Variants in INTS8 observed in about 807,000 individuals in gnomAD.
INTS8 encodes the protein integrator complex subunit 8.
INTS8 carries 47 observed loss-of-function variants against 138.9 expected under a neutral mutation model. The ratio of observed to expected loss-of-function variants is 0.34; its 90% CI spans 0.27 to 0.43. The LOEUF (loss-of-function observed/expected upper bound fraction) is 0.43. Ranked by LOEUF, INTS8 falls within the 20% of genes least tolerant of loss-of-function variation. INTS8 has a pLI of 1.00. For synonymous variants in INTS8, 392 were observed against 400.9 expected (o/e 0.98, Z 0.27); for missense variants, 996 against 1,173.0 (o/e 0.85, Z 2.20).
intron 18 of INTS8, chr8:94,866,817 G>A (rs114943059): frequency 0.035 from 8,762 of 247,902 alleles, 178 homozygotes; most frequent in African/African-American, 0.045. Context: ...CTTATTGGAC[G>A]TAACCTAGGT....
intron 2 of INTS8, 150 bp from the exon 3 acceptor site, chr8:94,827,113 G>GA (rs779624019): frequency 2.0e-3 from 1,321 of 653,502 alleles, no homozygotes; most frequent in Middle Eastern, 4.5e-3. Context: ...TCAAAAAAAA[G>GA]AAAAAAAAAC....
At chr8:94,860,596 A>C (rs1404819870) in intron 16 of INTS8, among the ~76,000 whole-genome samples, 4 of 150,766 alleles carry the variant, frequency 2.7e-5, no homozygotes, top group Non-Finnish European at 4.4e-5. Context: ...AAAAAAAAAA[A>C]AAAAAAAACC....
At chr8:94,867,077 C>T (rs1383848756) in intron 18 of INTS8, 63 bp from the exon 19 acceptor site, 5 of 1,226,740 alleles carry the variant, frequency 4.1e-6, no homozygotes, top group African/African-American at 1.5e-5. Context: ...GTGAGGTTGA[C>T]AGGAGCAATA....
In INTS8 at chr8:94,844,778, G is replaced by A. The variant is rs138443404; in HGVS notation, c.1260+2290G>A. Among the ~76,000 whole-genome samples the A allele has an allele frequency of 5.4e-3, 775 of 144,188 alleles. 9 individuals are homozygous for A. Among genetic ancestry groups the A allele is most frequent in the African/African-American group, 0.019 (720 of 38,734 alleles). The allele number at this position is 144,188 out of a possible 152,430, so 94.6% of individuals were successfully genotyped here. On this transcript the variant is annotated intron_variant, in intron 10 of 26. Coordinates refer to ENST00000523731, the MANE Select transcript of INTS8 (RefSeq NM_017864.4). ...TTTTTTTTTTTTTTTTGTTTGAGAC[G>A]GGTCTCACTCTATCACCCAGTTGGA...
In INTS8 at chr8:94,876,099, G is replaced by A. The variant is rs2131078802; in HGVS notation, c.2714G>A (p.Arg905Lys). The change falls in exon 24 of 27, where the codon AGA becomes AAA. Residue 905 changes from arginine to lysine, a missense_variant. Coordinates refer to ENST00000523731, the MANE Select transcript of INTS8 (RefSeq NM_017864.4). ...TQVAILCQFL[R>K]EIDYKTAFKS... Reference sequence around the variant, plus strand: ...GTGGCCATTTTATGTCAGTTCCTCAGAGAAATTGACTACAAAACAGCGTTT... The same window carrying A: ...GTGGCCATTTTATGTCAGTTCCTCAAAGAAATTGACTACAAAACAGCGTTT... 2 of 1,610,410 alleles carry A rather than the reference G, an allele frequency of 1.2e-6. No individual in the cohort carries two copies. Among genetic ancestry groups the A allele is most frequent in the Non-Finnish European group, 8.5e-7 (1 of 1,177,068 alleles).
chr8:94,828,587 G>A (rs1199162510), intron 4 of INTS8, among the ~76,000 whole-genome samples: 1 of 152,106 alleles, frequency 6.6e-6, no homozygotes, highest in East Asian at 1.9e-4. Flanking sequence ...TTTCTAACTT[G>A]ATACAAATGA....
chr8:94,838,965 TGTG>T (rs2131010828), intron 8 of INTS8, among the ~76,000 whole-genome samples: 1 of 152,294 alleles, frequency 6.6e-6, no homozygotes, highest in African/African-American at 2.4e-5. Context: ...AGCTTTTAGT[TGTG>T]TGTGTGTGCA....
At chr8:94,824,787 C>CA in intron 1 of INTS8, 106 bp from the exon 2 acceptor site, 1 of 80,998 alleles carries the variant, frequency 1.2e-5, no homozygotes, top group Non-Finnish European at 2.5e-5. Context: ...CCCAAACTCC[C>CA]CCCCCCCCCA....
At chr8:94,870,464 T>C (rs1221136483) in intron 20 of INTS8, among the ~76,000 whole-genome samples, 1 of 152,224 alleles carries the variant, frequency 6.6e-6, no homozygotes, top group Non-Finnish European at 1.5e-5. Flanking sequence ...AAACAAAATA[T>C]GACTAAATGT....
At chr8:94,823,669 G>T (rs1814366714) in intron 1 of INTS8, 108 bp downstream of exon 1, 1 of 885,276 alleles carries the variant, frequency 1.1e-6, no homozygotes, top group South Asian at 1.8e-5. Flanking sequence ...GGCCTGGGAG[G>T]CGCGCACAGG....
At position 94,859,597 on chromosome 8, in the gene INTS8, C is replaced by T; in HGVS notation, c.2041C>T (p.Pro681Ser). The T allele has an allele frequency of 1.9e-6, 3 of 1,611,996 alleles. No homozygotes were observed. The highest frequency in any genetic ancestry group is 2.5e-6 in the Non-Finnish European group (3 of 1,178,302). The change falls in exon 16 of 27, where the codon CCT becomes TCT. Residue 681 changes from proline to serine, a missense_variant. Physicochemically the swap from Pro to Ser is moderately conservative, Grantham distance 74. Transcript: ENST00000523731. ...AAATGAATACCTTACACTCCAAGTTCCTGCATTTTTGCTTCAGAGTAATCC... is the reference window on the plus strand; with the variant it reads ...AAATGAATACCTTACACTCCAAGTTTCTGCATTTTTGCTTCAGAGTAATCC... ...RENEYLTLQV[P>S]AFLLQSNPYV...
At chr8:94,846,257 A>G (rs1040228813) in intron 10 of INTS8, among the ~76,000 whole-genome samples, 1 of 151,756 alleles carries the variant, frequency 6.6e-6, no homozygotes, top group Admixed American at 6.6e-5. Context: ...TCCTTTTCTA[A>G]CCTTTTATTT....
Position 94,867,317 on chromosome 8 carries a change from T to C in INTS8, c.2394T>C (p.Ile798=), listed in dbSNP as rs759429559. The change falls in exon 20 of 27, where the codon ATT becomes ATC. Residue 798 remains isoleucine, a synonymous_variant. Coordinates refer to ENST00000523731, the MANE Select transcript of INTS8 (RefSeq NM_017864.4). The part of the protein sequence containing the change: ...VNDITAEHIS[I]WPSSIPNLQS... ...ATATTACAGCTGAACACATTTCTAT[T>C]TGGCCATCTTCCATTCCCAAGTAAG... 19 of 1,612,054 alleles carry C rather than the reference T, an allele frequency of 1.2e-5. No homozygotes were observed. Among genetic ancestry groups the C allele is most frequent in the East Asian group, 4.5e-5 (2 of 44,806 alleles).
At chr8:94,854,310 CA>C (rs1815666231) in intron 14 of INTS8, among the ~76,000 whole-genome samples, 1 of 151,770 alleles carries the variant, frequency 6.6e-6, no homozygotes, top group Admixed American at 6.6e-5. Context: ...TTTAAAGTCA[CA>C]GTCATAGGCC....
chr8:94,878,890 C>A (rs1223947013), intron 26 of INTS8, among the ~76,000 whole-genome samples: 1 of 152,146 alleles, frequency 6.6e-6, no homozygotes, highest in African/African-American at 2.4e-5. Context: ...ATTACTTTCT[C>A]TATTTCTTCC....
At position 94,881,133 on chromosome 8, in the gene INTS8, T is replaced by A; in HGVS notation, c.*899T>A. 2.5e-6 allele frequency: 1 copy of A among 395,854 alleles called. No homozygotes were observed. The highest frequency in any genetic ancestry group is 4.5e-6 in the Non-Finnish European group (1 of 224,582). The allele number at this position is 395,854 out of a possible 1,614,324, so 24.5% of individuals were successfully genotyped here. A position where few individuals can be genotyped will look rare whatever the true frequency, so the allele number is the denominator to read the frequency against. ...GCTATAGATAAATTAGTCACCTTAT[T>A]ACAAAACTAAACCTTTGTAAACAAG... On this transcript the variant is annotated 3_prime_UTR_variant, in exon 27 of 27. Transcript: ENST00000523731.
intron 23 of INTS8, among the ~76,000 whole-genome samples, chr8:94,874,946 C>T (rs1816520486): frequency 6.6e-6 from 1 of 152,124 alleles, no homozygotes; most frequent in South Asian, 2.1e-4. Context: ...AATCTAAACA[C>T]ATTTAAAAAC....
At chr8:94,839,605 GGAAA>G (rs1282254613) in intron 8 of INTS8, among the ~76,000 whole-genome samples, 2 of 152,054 alleles carry the variant, frequency 1.3e-5, no homozygotes, top group Admixed American at 1.3e-4. Flanking sequence ...CTTTGTCCTA[GGAAA>G]GAAAATTAAA....
intron 14 of INTS8, among the ~76,000 whole-genome samples, chr8:94,855,554 AT>A (rs1322485425): frequency 3.9e-5 from 6 of 152,152 alleles, no homozygotes; most frequent in African/African-American, 1.4e-4. Flanking sequence ...CTAACATAAC[AT>A]TTACTGGGCA....
Sources: allele counts gnomAD v4.1 joint callset (sites outside exome capture counted in the v4.1 genomes callset), GRCh38; gene constraint gnomAD v4.1.1; transcripts MANE v1.5; gene names NCBI Gene and HGNC (gene_info 2026-07-23, HGNC 2026-07-21).